The following IMMP2L variants were observed in gnomAD, a reference collection of about 807,000 sequenced individuals.
IMMP2L encodes inner mitochondrial membrane peptidase subunit 2.
In IMMP2L, 18 loss-of-function variants were observed where a neutral mutation model predicts 19.3. The observed-to-expected ratio is 0.93, with a 90% CI of 0.64 to 1.38. IMMP2L has a LOEUF of 1.38. Ranked by LOEUF, IMMP2L falls within the 40% of genes most tolerant of loss-of-function variation. The pLI is 0.00. For missense variants in IMMP2L, 233 were observed against 218.2 expected (o/e 1.07, Z -0.43); for synonymous variants, 76 against 73.0 (o/e 1.04, Z -0.21).
chr7:111,163,680 A>AT (rs1291398924), intron 3 of IMMP2L, among the ~76,000 whole-genome samples: 2 of 151,912 alleles, frequency 1.3e-5, no homozygotes, highest in African/African-American at 2.4e-5. Flanking sequence ...GGCTTGATAG[A>AT]TTTTCTATAG....
chr7:111,471,503 C>G (rs1252533175), intron 3 of IMMP2L, among the ~76,000 whole-genome samples: 1 of 152,064 alleles, frequency 6.6e-6, no homozygotes, highest in Non-Finnish European at 1.5e-5. Context: ...CTAGTCCAAA[C>G]TGAGATGTGC....
chr7:111,141,473 G>A (rs1391803675), intron 3 of IMMP2L, among the ~76,000 whole-genome samples: 1 of 150,644 alleles, frequency 6.6e-6, no homozygotes, highest in Non-Finnish European at 1.5e-5. Context: ...ATTCCCTACA[G>A]ATAATCACTG....
At chr7:110,753,103 C>A (rs753421788) in intron 5 of IMMP2L, among the ~76,000 whole-genome samples, 4 of 151,862 alleles carry the variant, frequency 2.6e-5, no homozygotes, top group Non-Finnish European at 5.9e-5. Flanking sequence ...TTGGTTGATG[C>A]TGGGGGAGCA....
At chr7:111,519,100 G>T (rs1846120902) in intron 2 of IMMP2L, among the ~76,000 whole-genome samples, 1 of 152,138 alleles carries the variant, frequency 6.6e-6, no homozygotes. Context: ...ATACATCACA[G>T]TCCTTCCCCA....
At chr7:111,304,720 T>C (rs895426661) in intron 3 of IMMP2L, among the ~76,000 whole-genome samples, 4 of 81,866 alleles carry the variant, frequency 4.9e-5, no homozygotes, top group Non-Finnish European at 8.1e-5. Flanking sequence ...GTGTGTGTGG[T>C]GTATCCTGTA....
chr7:111,342,669 G>A (rs1827139216), intron 3 of IMMP2L, among the ~76,000 whole-genome samples: 1 of 151,814 alleles, frequency 6.6e-6, no homozygotes, highest in Admixed American at 6.6e-5. Flanking sequence ...TTATCTTATT[G>A]ATCTTAAAAA....
At chr7:111,557,740 G>A (rs951187015) in intron 1 of IMMP2L, among the ~76,000 whole-genome samples, 4 of 152,248 alleles carry the variant, frequency 2.6e-5, no homozygotes, top group East Asian at 3.9e-4. Context: ...CTTGGTCAAA[G>A]ATGACTTTTC....
At chr7:111,473,767 C>A (rs1347594559) in intron 3 of IMMP2L, among the ~76,000 whole-genome samples, 1 of 152,124 alleles carries the variant, frequency 6.6e-6, no homozygotes, top group Non-Finnish European at 1.5e-5. Context: ...TTGGAGATTT[C>A]TTAAAGAACT....
rs1371660602 is a variant in IMMP2L, at chr7:111,123,085, T to A, written c.240-159520A>T. 1 of 1,613,818 alleles carries A rather than the reference T, an allele frequency of 6.2e-7. No individual in the cohort carries two copies. The highest frequency in any genetic ancestry group is 2.2e-5 in the East Asian group (1 of 44,826). The stretch of plus-strand genomic sequence containing the variant: ...CCTGGATTTATCTCAAAACAATTTA[T>A]CTTCAGTCACCAATATTAATGTAAA... On this transcript the variant is annotated intron_variant, in intron 3 of 5. Coordinates refer to ENST00000405709, the MANE Select transcript of IMMP2L (RefSeq NM_032549.4). This position sits in a 1 kb window ranked among gnomAD's most constrained non-coding sequence, Gnocchi z 6.4.
chr7:111,163,013 C>A (rs1031819077), intron 3 of IMMP2L, among the ~76,000 whole-genome samples: 2 of 152,060 alleles, frequency 1.3e-5, no homozygotes, highest in African/African-American at 4.8e-5. Flanking sequence ...GGCCCCTGAA[C>A]CCTGCTCTTA....
At chr7:110,981,541 A>G (rs1821296926) in intron 3 of IMMP2L, among the ~76,000 whole-genome samples, 1 of 149,918 alleles carries the variant, frequency 6.7e-6, no homozygotes, top group Admixed American at 6.7e-5. Flanking sequence ...TCACTTAAAG[A>G]AAAAAAAAAC....
At chr7:111,009,458 G>A (rs555035503) in intron 3 of IMMP2L, among the ~76,000 whole-genome samples, 57 of 151,886 alleles carry the variant, frequency 3.8e-4, no homozygotes, top group Non-Finnish European at 7.1e-4. Context: ...GTATTGCTCA[G>A]GTCACCTATC....
At chr7:111,345,819 T>C (rs893931630) in intron 3 of IMMP2L, among the ~76,000 whole-genome samples, 5 of 152,184 alleles carry the variant, frequency 3.3e-5, no homozygotes, top group Non-Finnish European at 7.4e-5. Flanking sequence ...AGCTCTGTTA[T>C]GGAATTCTTC....
intron 3 of IMMP2L, among the ~76,000 whole-genome samples, chr7:111,188,566 T>C (rs993186818): frequency 1.3e-5 from 2 of 152,110 alleles, no homozygotes; most frequent in Admixed American, 6.6e-5. Flanking sequence ...TTTCAACATA[T>C]GAATTTGGGG....
rs534865777 is a variant in IMMP2L at position 111,486,178 on chromosome 7, T to G, written c.239+1060A>C. ...TCCTTGGATGTCTGCCATACAAAACTCCACTTGAATTTATTTCATTAGTCA... is the reference window on the plus strand; with the variant it reads ...TCCTTGGATGTCTGCCATACAAAACGCCACTTGAATTTATTTCATTAGTCA... On this transcript the variant is annotated intron_variant, in intron 3 of 5. Transcript: ENST00000405709. Among the ~76,000 whole-genome samples the G allele has an allele frequency of 2.6e-5, 4 of 152,294 alleles. 1 individual carries two copies. Among genetic ancestry groups the G allele is most frequent in the Non-Finnish European group, 5.9e-5 (4 of 68,016 alleles).
intron 3 of IMMP2L, among the ~76,000 whole-genome samples, chr7:111,376,806 T>C (rs945603720): frequency 3.3e-5 from 5 of 152,050 alleles, no homozygotes; most frequent in Non-Finnish European, 5.9e-5. Context: ...AAGAACCACA[T>C]ATCATGTAAT....
At chr7:111,420,547 C>G (rs1390128198) in intron 3 of IMMP2L, among the ~76,000 whole-genome samples, 1 of 146,702 alleles carries the variant, frequency 6.8e-6, no homozygotes, top group Non-Finnish European at 1.5e-5. Context: ...CTAACGCTAT[C>G]CCTCCCCCAG....
At position 110,848,369 on chromosome 7, in the gene IMMP2L, C is replaced by T. The variant is rs192809912; in HGVS notation, c.408+38224G>A. ...AAAACAACAATGAGATACCACCACA[C>T]GCCTATCAGGAGGGCCAAAATCCGA... On this transcript the variant is annotated intron_variant, in intron 5 of 5. Transcript: ENST00000405709. 1.1e-3 allele frequency among the ~76,000 whole-genome samples: 160 copies of T among 152,256 alleles called. 1 individual carries two copies. Among genetic ancestry groups the T allele is most frequent in the African/African-American group, 3.6e-3 (151 of 41,568 alleles).
chr7:111,506,690 C>T (rs2132515413), intron 2 of IMMP2L, among the ~76,000 whole-genome samples: 1 of 152,124 alleles, frequency 6.6e-6, no homozygotes, highest in African/African-American at 2.4e-5. Context: ...CCACCACGCC[C>T]GACCCTTAAT....
Sources: gnomAD v4.1 joint callset for allele counts (sites outside exome capture counted in the v4.1 genomes callset) on GRCh38, gnomAD v4.1.1 for gene constraint, Gnocchi (gnomAD v3.1) non-coding constraint, MANE v1.5 for transcripts, NCBI Gene and HGNC (gene_info 2026-07-23, HGNC 2026-07-21) for gene names.